Variants in SPECC1 observed in about 807,000 individuals in gnomAD.
SPECC1 encodes sperm antigen with calponin homology and coiled-coil domains 1, also known as cytospin-B.
In SPECC1, 62 loss-of-function variants were observed where a neutral mutation model predicts 104.1. The observed-to-expected ratio is 0.60, with a 90% CI of 0.49 to 0.74. SPECC1 has a LOEUF of 0.74. Ranked by LOEUF, SPECC1 falls within the 30% of genes least tolerant of loss-of-function variation. The probability of loss-of-function intolerance (pLI) is 0.00; values close to 1 mark genes in which losing one functional copy is unlikely to be tolerated. For synonymous variants in SPECC1, 513 were observed against 501.6 expected, an observed-to-expected ratio of 1.02 and a Z score of -0.30; for missense variants, 1,306 against 1,310.5, an observed-to-expected ratio of 1.00 and a Z score of 0.05.
intron 1 of SPECC1, among the ~76,000 whole-genome samples, chr17:20,035,984 A>G (rs960442094): frequency 1.3e-5 from 2 of 151,232 alleles, no homozygotes; most frequent in East Asian, 3.9e-4. Context: ...GCTAATTTAT[A>G]TATTTTTTAG....
chr17:20,106,106 C>T (rs116736304), intron 2 of SPECC1, among the ~76,000 whole-genome samples: 103 of 152,228 alleles, frequency 6.8e-4, no homozygotes, highest in African/African-American at 2.3e-3. Flanking sequence ...TGCGTTATTG[C>T]GTTAAGAATT....
chr17:20,041,550 A>T (rs544317805), intron 1 of SPECC1, among the ~76,000 whole-genome samples: 1 of 144,756 alleles, frequency 6.9e-6, no homozygotes, highest in African/African-American at 2.6e-5. Flanking sequence ...GCCAAAATAT[A>T]TATCTTTTAT....
intron 1 of SPECC1, among the ~76,000 whole-genome samples, chr17:20,059,488 T>C (rs1371769080): frequency 1.3e-5 from 2 of 152,114 alleles, no homozygotes; most frequent in Admixed American, 6.5e-5. Context: ...GAACTGGGGG[T>C]TGGGGACCCC....
chr17:20,046,529 G>A (rs1367974103), intron 1 of SPECC1, among the ~76,000 whole-genome samples: 2 of 152,152 alleles, frequency 1.3e-5, no homozygotes, highest in African/African-American at 4.8e-5. Flanking sequence ...TGTACTAGAG[G>A]GGGTGGCAAA....
At chr17:20,044,992 AAGTTT>A (rs1287480557) in intron 1 of SPECC1, among the ~76,000 whole-genome samples, 2 of 152,254 alleles carry the variant, frequency 1.3e-5, no homozygotes, top group Non-Finnish European at 1.5e-5. Flanking sequence ...TTTAAACATG[AAGTTT>A]AAAGAAATGC....
At chr17:20,105,813 C>T (rs1387637146) in intron 2 of SPECC1, among the ~76,000 whole-genome samples, 1 of 152,220 alleles carries the variant, frequency 6.6e-6, no homozygotes, top group East Asian at 1.9e-4. Context: ...TCCCAGGAAC[C>T]AACCCCTTAT....
chr17:20,106,094 CTTGCGTTA>C (rs2048184688), intron 2 of SPECC1, among the ~76,000 whole-genome samples: 1 of 152,184 alleles, frequency 6.6e-6, no homozygotes, highest in South Asian at 2.1e-4. Flanking sequence ...CCGTGTATGG[CTTGCGTTA>C]TTGCGTTAAG....
intron 3 of SPECC1, among the ~76,000 whole-genome samples, chr17:20,174,130 C>T (rs1159308477): frequency 1.3e-5 from 2 of 152,002 alleles, no homozygotes; most frequent in Admixed American, 1.3e-4. Context: ...AGGGTTTCAC[C>T]ACGTTGGTCA....
In SPECC1 at chr17:20,180,496, A is replaced by G. The variant is rs942666994; in HGVS notation, c.284-23837A>G. Among the ~76,000 whole-genome samples, 5 of 152,232 alleles carry G rather than the reference A, an allele frequency of 3.3e-5. No individual in the cohort carries two copies. The South Asian group carries it at 8.3e-4, about 25-fold the overall frequency. On this transcript the variant is annotated intron_variant, in intron 3 of 14. Coordinates refer to ENST00000395527, the MANE Select transcript of SPECC1 (RefSeq NM_001243439.2). The stretch of plus-strand genomic sequence containing the variant: ...GGAACAAAAGAATTTGGTAAGAAAC[A>G]TATTCTACTAAGAGATGCTAATTAT...
intron 7 of SPECC1, chr17:20,238,802 C>G: frequency 9.6e-7 from 1 of 1,045,454 alleles, no homozygotes; most frequent in Middle Eastern, 4.4e-4. Flanking sequence ...TGTATTTGCA[C>G]CCTATATTTT....
chr17:20,212,513 C>T (rs1309535621), intron 4 of SPECC1, among the ~76,000 whole-genome samples: 2 of 152,118 alleles, frequency 1.3e-5, no homozygotes, highest in Non-Finnish European at 2.9e-5. Flanking sequence ...GGGAAACTCC[C>T]CCTTATATAA....
At chr17:20,311,391 T>TG (rs1256091075) in intron 14 of SPECC1, among the ~76,000 whole-genome samples, 2 of 151,594 alleles carry the variant, frequency 1.3e-5, no homozygotes, top group African/African-American at 2.4e-5. Flanking sequence ...TTTGTTTTTG[T>TG]TTTTGTTTTT....
At chr17:20,095,422 A>G (rs1438498951) in intron 1 of SPECC1, among the ~76,000 whole-genome samples, 2 of 152,248 alleles carry the variant, frequency 1.3e-5, no homozygotes, top group Non-Finnish European at 2.9e-5. Flanking sequence ...AGCCGCTGCC[A>G]TCAGCTCTGC....
intron 13 of SPECC1, among the ~76,000 whole-genome samples, chr17:20,303,426 G>A (rs981446566): frequency 5.9e-5 from 9 of 152,138 alleles, no homozygotes; most frequent in Non-Finnish European, 1.2e-4. Context: ...CAGATCAACA[G>A]CTTTCCAAGG....
intron 12 of SPECC1, among the ~76,000 whole-genome samples, chr17:20,294,642 ATGGT>A (rs1299219920): frequency 1.6e-5 from 1 of 62,666 alleles, no homozygotes; most frequent in African/African-American, 4.3e-5. Flanking sequence ...GGTGGGGATG[ATGGT>A]CATGGTTATG....
chr17:20,291,101 C>T (rs970267346), intron 12 of SPECC1, among the ~76,000 whole-genome samples: 29 of 152,276 alleles, frequency 1.9e-4, no homozygotes, highest in African/African-American at 6.0e-4. Context: ...TTCCTTGGGG[C>T]GGTAGCATTC....
At chr17:20,100,776 G>A (rs1251097911) in intron 2 of SPECC1, among the ~76,000 whole-genome samples, 2 of 152,052 alleles carry the variant, frequency 1.3e-5, no homozygotes, top group African/African-American at 2.4e-5. Flanking sequence ...TTTAAGCCCC[G>A]CATGCATTAG....
intron 13 of SPECC1, among the ~76,000 whole-genome samples, chr17:20,304,040 G>A (rs1292076488): frequency 6.7e-6 from 1 of 149,814 alleles, no homozygotes; most frequent in African/African-American, 2.5e-5. Context: ...GGGAGGCTGA[G>A]GTAGGCAGAT....
chr17:20,118,112 AAAT>A (rs1294402132), intron 3 of SPECC1, among the ~76,000 whole-genome samples: 2 of 140,718 alleles, frequency 1.4e-5, no homozygotes, highest in Admixed American at 1.4e-4. Context: ...CACAATAAAT[AAAT>A]AATAAATAAA....
Sources: gnomAD v4.1 joint callset for allele counts (sites outside exome capture counted in the v4.1 genomes callset) on GRCh38, gnomAD v4.1.1 for gene constraint, MANE v1.5 for transcripts, NCBI Gene and HGNC (gene_info 2026-07-23, HGNC 2026-07-21) for gene names.